HSF4: variants seen among roughly 807,000 people sequenced by gnomAD.
HSF4 encodes the protein heat shock factor protein 4.
HSF4 carries 41 observed loss-of-function variants against 52.0 expected under a neutral mutation model. The observed-to-expected ratio is 0.79, with a 90% confidence interval of 0.61 to 1.02. The LOEUF is 1.02. HSF4 is among the 50% of genes least tolerant of loss of function. The pLI is 0.00. For missense variants in HSF4, 610 were observed against 651.1 expected, an observed-to-expected ratio of 0.94 and a Z score of 0.69; for synonymous variants, 285 against 273.0, an observed-to-expected ratio of 1.04 and a Z score of -0.43.
Position 67,165,727 on chromosome 16 carries a change from C to G in HSF4, c.241C>G (p.Arg81Gly). The change falls in exon 3 of 13, where the codon CGG becomes GGG. Residue 81 changes from arginine to glycine, a missense_variant. Transcript: ENST00000521374. The surrounding 1 kb of genome is among the most constrained non-coding windows in gnomAD (Gnocchi z 6.9). The stretch of plus-strand genomic sequence containing the variant: ...CACGCCCCACTCCCCAGACGGTTTT[C>G]GGAAGGTGGTGAGCATCGAGCAGGG... ...FVRQLNMYGF[R>G]KVVSIEQGGL... The G allele has an allele frequency of 6.2e-7, 1 of 1,612,000 alleles. No homozygotes were observed. The highest frequency in any genetic ancestry group is 8.5e-7 in the Non-Finnish European group (1 of 1,179,818).
In HSF4 at chr16:67,165,340, C is replaced by G. The variant is rs2031173820; in HGVS notation, c.124-182C>G. ...GGGGTAGGGACTCACTGTGGTCGCT[C>G]CAGGCTAGGCCTCGGAGCCCGTTCT... On this transcript the variant is annotated intron_variant, in intron 1 of 12. Transcript: ENST00000521374. This position sits in a 1 kb window ranked among gnomAD's most constrained non-coding sequence, Gnocchi z 6.9. 1.6e-6 allele frequency: 1 copy of G among 639,968 alleles called. No individual in the cohort carries two copies. The highest frequency in any genetic ancestry group is 2.8e-6 in the Non-Finnish European group (1 of 362,454). 39.6% of individuals were successfully genotyped at this position (639,968 alleles called of 1,614,324 possible).
rs2031580359 is a variant in HSF4 at position 67,169,403 on chromosome 16, C to T, written c.1324+55C>T. On this transcript the variant is annotated intron_variant, in intron 12 of 12. Transcript: ENST00000521374. This position sits in a 1 kb window ranked among gnomAD's most constrained non-coding sequence, Gnocchi z 4.3. ...GGACGCCGTGATTGGGCTGAGCTAC[C>T]TTGATTGAGTGAGGGGGCAATCTGC... is the stretch of plus-strand genomic sequence containing the variant. The T allele has an allele frequency of 6.3e-7, 1 of 1,590,218 alleles. No homozygotes were observed. The highest frequency in any genetic ancestry group is 1.3e-5 in the African/African-American group (1 of 74,480).
chr16:67,167,067 G>T, intron 6 of HSF4, 53 bp from the exon 7 acceptor site: 1 of 1,613,250 alleles, frequency 6.2e-7, no homozygotes, highest in Non-Finnish European at 8.5e-7. Flanking sequence ...AGGCCGAGGT[G>T]CATGGGGGCT....
Position 67,166,388 on chromosome 16 carries a change from T to C in HSF4, c.554T>C (p.Ile185Thr). The C allele has an allele frequency of 6.2e-7, 1 of 1,609,686 alleles. No individual in the cohort carries two copies. The highest frequency in any genetic ancestry group is 8.5e-7 in the Non-Finnish European group (1 of 1,178,002). Residue 185 changes from isoleucine (I) to threonine (T), a missense_variant, in exon 5 of 13, where the codon ATT (isoleucine) becomes ACT (threonine). By Grantham distance (89) the Ile-to-Thr change is moderately conservative. Coordinates refer to ENST00000521374, the MANE Select transcript of HSF4 (RefSeq NM_001374675.1). The part of the protein sequence containing the change: ...RQSHGQQHRV[I>T]GKLIQCLFGP... ...AGCCACGGTCAGCAGCACCGGGTCA[T>C]TGGCAAGGTGTTCCTCTCCCCAAGC...
intron 7 of HSF4, 107 bp downstream of exon 7, chr16:67,167,329 C>G: frequency 6.2e-7 from 1 of 1,609,262 alleles, no homozygotes; most frequent in Non-Finnish European, 8.5e-7. Context: ...CCAGCCTTCC[C>G]CCCAACCAGA....
At chr16:67,168,522 AAAGAAAGG>A (rs1294944174) in intron 9 of HSF4, among the ~76,000 whole-genome samples, 1 of 151,644 alleles carries the variant, frequency 6.6e-6, no homozygotes, top group Non-Finnish European at 1.5e-5. Context: ...GAGAAAGAAA[AAAGAAAGG>A]AAGAAAGAAA....
At chr16:67,163,839 C>T, upstream of HSF4, 1 of 1,531,482 alleles carries the variant, frequency 6.5e-7, no homozygotes, top group Non-Finnish European at 8.7e-7. Flanking sequence ...CTTCTCTCCC[C>T]CGTCCCCGTG....
rs747603898 is a variant in HSF4 at position 67,165,670 on chromosome 16, C to G, written c.232+40C>G. ...CCGGGCGGGGAGCGGGGATGGGGGA[C>G]TCGGTGCCGGGGATGGGGCGACCCA... On this transcript the variant is annotated intron_variant, in intron 2 of 12. Coordinates refer to ENST00000521374, the MANE Select transcript of HSF4 (RefSeq NM_001374675.1). The surrounding 1 kb of genome is among the most constrained non-coding windows in gnomAD (Gnocchi z 6.9). 6.8e-6 allele frequency: 11 copies of G among 1,612,246 alleles called. No homozygotes were observed. The East Asian group carries it at 2.5e-4, about 36-fold the overall frequency.
Position 67,165,434 on chromosome 16 carries a change from C to A in HSF4, c.124-88C>A. 2.5e-6 allele frequency: 3 copies of A among 1,197,700 alleles called. No individual in the cohort carries two copies. Among genetic ancestry groups the A allele is most frequent in the Middle Eastern group, 2.0e-4 (1 of 5,032 alleles). The allele number at this position is 1,197,700 out of a possible 1,614,324, so 74.2% of individuals were successfully genotyped here. On this transcript the variant is annotated intron_variant, in intron 1 of 12. Coordinates refer to ENST00000521374, the MANE Select transcript of HSF4 (RefSeq NM_001374675.1). This position sits in a 1 kb window ranked among gnomAD's most constrained non-coding sequence, Gnocchi z 6.9. ...CCAAGAGTGAGCATGAGTGTGTGCGCGCGCTGGAGCGCAGGACTGGCCGTG... is the reference window on the plus strand; with the variant it reads ...CCAAGAGTGAGCATGAGTGTGTGCGAGCGCTGGAGCGCAGGACTGGCCGTG...
Position 67,169,469 on chromosome 16 carries a change from C to G in HSF4, c.1324+121C>G. The G allele has an allele frequency of 6.4e-7, 1 of 1,569,484 alleles. No individual in the cohort carries two copies. The highest frequency in any genetic ancestry group is 8.6e-7 in the Non-Finnish European group (1 of 1,160,502). On this transcript the variant is annotated intron_variant, in intron 12 of 12. Transcript: ENST00000521374. The surrounding 1 kb of genome is among the most constrained non-coding windows in gnomAD (Gnocchi z 4.3). ...CCTGAGTTCAGGCTGCACTGCAGAG[C>G]GTTCCTTGAGCCACCCATGCCCTCA... is the stretch of plus-strand genomic sequence containing the variant.
At position 67,167,801 on chromosome 16, in the gene HSF4, C is replaced by T. The variant is rs775560032; in HGVS notation, c.936C>T (p.Asn312=). The T allele has an allele frequency of 1.7e-5, 27 of 1,597,568 alleles. No homozygotes were observed. The highest frequency in any genetic ancestry group is 2.3e-5 in the East Asian group (1 of 44,058). The change falls in exon 9 of 13, where the codon AAC becomes AAT. Residue 312 remains asparagine, a synonymous_variant. Transcript: ENST00000521374. ...AGGCCGGGCTGGCCCTGGCCCCAAA[C>T]GAGTGTGACTTCTGCGTGACAGCCC... is the stretch of plus-strand genomic sequence containing the variant. ...DGEAGLALAP[N]ECDFCVTAPP... is the part of the protein sequence containing the mutation.
Position 67,167,473 on chromosome 16 carries a change from A to T in HSF4, c.730-2A>T. The T allele has an allele frequency of 6.2e-7, 1 of 1,613,798 alleles. No individual in the cohort carries two copies. The highest frequency in any genetic ancestry group is 1.3e-5 in the African/African-American group (1 of 75,062). On this transcript the variant is annotated splice_acceptor_variant, in intron 7 of 12. Coordinates refer to ENST00000521374, the MANE Select transcript of HSF4 (RefSeq NM_001374675.1). LOFTEE classifies it high-confidence loss of function. ...GGGCTGGGCCTAGCCTTCTACTTAC[A>T]GCCTCTCCCAGAGACAAATTTGGGC...
At position 67,169,547 on chromosome 16, in the gene HSF4, A is replaced by G; in HGVS notation, c.1325-84A>G. The G allele has an allele frequency of 6.3e-7, 1 of 1,598,820 alleles. No individual in the cohort carries two copies. Among genetic ancestry groups the G allele is most frequent in the Non-Finnish European group, 8.5e-7 (1 of 1,179,508 alleles). On this transcript the variant is annotated intron_variant, in intron 12 of 12. Coordinates refer to ENST00000521374, the MANE Select transcript of HSF4 (RefSeq NM_001374675.1). This position sits in a 1 kb window ranked among gnomAD's most constrained non-coding sequence, Gnocchi z 4.3. ...AATGGATGTTTTATCCTAACTGAGC[A>G]GAAGGCAGGCGGGCAGGGCTCTCCT...
Position 67,165,409 on chromosome 16 carries a change from C to A in HSF4, c.124-113C>A. On this transcript the variant is annotated intron_variant, in intron 1 of 12. Transcript: ENST00000521374. The surrounding 1 kb of genome is among the most constrained non-coding windows in gnomAD (Gnocchi z 6.9). Reference sequence around the variant, plus strand: ...ATCCCCGTAAGCGGCAGGCCTGGACCCAAGAGTGAGCATGAGTGTGTGCGC... The same window carrying A: ...ATCCCCGTAAGCGGCAGGCCTGGACACAAGAGTGAGCATGAGTGTGTGCGC... 1.0e-6 allele frequency: 1 copy of A among 998,880 alleles called. No homozygotes were observed. The highest frequency in any genetic ancestry group is 1.6e-6 in the Non-Finnish European group (1 of 633,376). The allele number at this position is 998,880 out of a possible 1,614,324, so 61.9% of individuals were successfully genotyped here. A position where few individuals can be genotyped will look rare whatever the true frequency, so the allele number is the denominator to read the frequency against.
rs370129261 is a variant in HSF4 at position 67,169,266 on chromosome 16, G to A, written c.1255-13G>A. On this transcript the variant is annotated splice_polypyrimidine_tract_variant and intron_variant, in intron 11 of 12. Coordinates refer to ENST00000521374, the MANE Select transcript of HSF4 (RefSeq NM_001374675.1). The surrounding 1 kb of genome is among the most constrained non-coding windows in gnomAD (Gnocchi z 4.3). ...GGTCCCCTCCCCAGCTGCTCCCTGCGGTTCTCACGCAGATGCAGCCCTTGG... is the reference window on the plus strand; with the variant it reads ...GGTCCCCTCCCCAGCTGCTCCCTGCAGTTCTCACGCAGATGCAGCCCTTGG... The A allele has an allele frequency of 6.8e-6, 11 of 1,613,194 alleles. No individual in the cohort carries two copies. The Admixed American group carries it at 1.2e-4, about 17-fold the overall frequency.
rs752332224 is a variant in HSF4, at chr16:67,167,490, A to T, written c.745A>T (p.Asn249Tyr). Residue 249 changes from asparagine (N) to tyrosine (Y), a missense_variant, in exon 8 of 13, where the codon AAT becomes TAT. Coordinates refer to ENST00000521374, the MANE Select transcript of HSF4 (RefSeq NM_001374675.1). ...YFIQSPLPET[N>Y]LGLSPHRARG... The stretch of plus-strand genomic sequence containing the variant: ...CTACTTACAGCCTCTCCCAGAGACA[A>T]ATTTGGGCCTTAGCCCTCACAGGGC... 1.9e-6 allele frequency: 3 copies of T among 1,613,822 alleles called. No homozygotes were observed. Among genetic ancestry groups the T allele is most frequent in the African/African-American group, 1.3e-5 (1 of 75,060 alleles).
chr16:67,167,519 G>A lies in HSF4; in HGVS notation c.774G>A (p.Arg258=). 1 of 1,613,806 alleles carries A rather than the reference G, an allele frequency of 6.2e-7. No individual in the cohort carries two copies. Among genetic ancestry groups the A allele is most frequent in the Non-Finnish European group, 8.5e-7 (1 of 1,180,008 alleles). The change falls in exon 8 of 13, where the codon AGG becomes AGA. Residue 258 remains arginine (R), a synonymous_variant. Coordinates refer to ENST00000521374, the MANE Select transcript of HSF4 (RefSeq NM_001374675.1). ...TGGGCCTTAGCCCTCACAGGGCCAG[G>A]GGCCCCATCATCTCTGACATCCCAG... The part of the protein sequence containing the change: ...TNLGLSPHRA[R]GPIISDIPED...
At chr16:67,164,626 CT>C, upstream of HSF4, 1 of 624,054 alleles carries the variant, frequency 1.6e-6, no homozygotes, top group Non-Finnish European at 2.8e-6. Context: ...TCCAGCCAGC[CT>C]TTTCTGCCTG....
Position 67,167,156 on chromosome 16 carries a change from A to G in HSF4, c.663A>G (p.Thr221=), listed in dbSNP as rs770122234. ...LMLDEGSSCP[T]PAKFNTCPLP... ...TGGATGAGGGGAGCTCATGCCCAAC[A>G]CCTGCCAAGTTCAACACCTGCCCTC... Residue 221 remains threonine, a synonymous_variant, in exon 7 of 13, where the codon ACA becomes ACG. Coordinates refer to ENST00000521374, the MANE Select transcript of HSF4 (RefSeq NM_001374675.1). 2.0e-5 allele frequency: 32 copies of G among 1,613,836 alleles called. No individual in the cohort carries two copies. Among genetic ancestry groups the G allele is most frequent in the Middle Eastern group, 1.6e-4 (1 of 6,084 alleles).
Sources: allele counts gnomAD v4.1 joint callset (sites outside exome capture counted in the v4.1 genomes callset), GRCh38; gene constraint gnomAD v4.1.1; non-coding constraint Gnocchi (gnomAD v3.1); transcripts MANE v1.5; gene names NCBI Gene and HGNC (gene_info 2026-07-23, HGNC 2026-07-21).